The following ESRRG variants were observed in gnomAD, a reference collection of about 807,000 sequenced individuals.
The protein encoded by ESRRG is estrogen-related receptor gamma.
ESRRG carries 13 observed loss-of-function variants against 44.0 expected under a neutral mutation model. The ratio of observed to expected loss-of-function variants is 0.30; its 90% CI spans 0.19 to 0.47. The LOEUF (loss-of-function observed/expected upper bound fraction) is 0.47. ESRRG is among the 20% of genes least tolerant of loss of function. The pLI, the probability that ESRRG is intolerant of heterozygous loss-of-function variation, is 1.00. For missense variants in ESRRG, 395 were observed against 580.6 expected (o/e 0.68, Z 3.29); for synonymous variants, 215 against 214.6 (o/e 1.00, Z -0.02).
intron 1 of ESRRG, among the ~76,000 whole-genome samples, chr1:217,085,291 C>T (rs1485046638): frequency 6.6e-6 from 1 of 151,982 alleles, no homozygotes; most frequent in Non-Finnish European, 1.5e-5. Context: ...TGTGTATTGA[C>T]CTTCTATTTC....
At chr1:217,108,659 C>T (rs2092626842) in intron 1 of ESRRG, among the ~76,000 whole-genome samples, 1 of 151,954 alleles carries the variant, frequency 6.6e-6, no homozygotes, top group Admixed American at 6.6e-5. Flanking sequence ...CTCCCTCTCC[C>T]TCTCTCTTGC....
At chr1:216,635,762 GACCTCTGA>G (rs2065172797) in intron 3 of ESRRG, among the ~76,000 whole-genome samples, 1 of 152,074 alleles carries the variant, frequency 6.6e-6, no homozygotes, top group Non-Finnish European at 1.5e-5. Flanking sequence ...CATTATCGGG[GACCTCTGA>G]CCCCAGCGAG....
intron 2 of ESRRG, among the ~76,000 whole-genome samples, chr1:216,906,944 A>G (rs983340165): frequency 1.3e-5 from 2 of 152,194 alleles, no homozygotes; most frequent in African/African-American, 2.4e-5. Context: ...TGTTTTTTGT[A>G]TATATTGATA....
intron 1 of ESRRG, among the ~76,000 whole-genome samples, chr1:216,945,205 A>G (rs1258231171): frequency 6.6e-6 from 1 of 152,106 alleles, no homozygotes; most frequent in Non-Finnish European, 1.5e-5. Context: ...GGGGAGGGAA[A>G]AGTGGGTTTT....
At chr1:216,638,448 A>C (rs1321920271) in intron 3 of ESRRG, among the ~76,000 whole-genome samples, 1 of 152,188 alleles carries the variant, frequency 6.6e-6, no homozygotes, top group African/African-American at 2.4e-5. Flanking sequence ...AAATTAAACA[A>C]AATTAGAGAC....
At chr1:216,671,919 G>A (rs1575089200) in intron 2 of ESRRG, among the ~76,000 whole-genome samples, 1 of 151,824 alleles carries the variant, frequency 6.6e-6, no homozygotes, top group African/African-American at 2.4e-5. Flanking sequence ...GTAATACTTG[G>A]GTATTACTTA....
chr1:216,699,031 G>A (rs1001929809), intron 1 of ESRRG, among the ~76,000 whole-genome samples: 1 of 152,154 alleles, frequency 6.6e-6, no homozygotes, highest in Non-Finnish European at 1.5e-5. Context: ...GAGGCTGAGG[G>A]CTGCGTGCTG....
chr1:216,616,653 T>G (rs1347523359), intron 3 of ESRRG, among the ~76,000 whole-genome samples: 2 of 152,120 alleles, frequency 1.3e-5, no homozygotes, highest in African/African-American at 2.4e-5. Flanking sequence ...TGTAAAGGCC[T>G]TTGCTGATTT....
rs2151488375 is a variant in ESRRG at position 216,676,978 on chromosome 1, A to G, written c.472+98T>C. The G allele has an allele frequency of 6.0e-6, 5 of 833,444 alleles. No individual in the cohort carries two copies. In the South Asian group the frequency reaches 8.6e-5, roughly 14 times the overall value. The allele number at this position is 833,444 out of a possible 1,614,324, so 51.6% of individuals were successfully genotyped here. A position where few individuals can be genotyped will look rare whatever the true frequency, so the allele number is the denominator to read the frequency against. On this transcript the variant is annotated intron_variant, in intron 2 of 6. Coordinates refer to ENST00000408911, the MANE Select transcript of ESRRG (RefSeq NM_001438.4). ...ATTTTCTACTCAAGAGAGAATTAAA[A>G]CTATGATACTTGACTTATGAGAATA... is the stretch of plus-strand genomic sequence containing the variant.
In ESRRG at chr1:216,834,770, CA is replaced by C. The variant is rs1343317310; in HGVS notation, c.-14+104811del. The stretch of plus-strand genomic sequence containing the variant: ...ACAACAGATGCTAGCAATTTGAAAA[CA>C]AAATGTTGTCTAAGAAACAGGGAGA... On this transcript the variant is annotated intron_variant, in intron 2 of 7. Coordinates refer to the ESRRG transcript ENST00000359162. Among the ~76,000 whole-genome samples, 3 of 152,020 alleles carry C rather than the reference CA, an allele frequency of 2.0e-5. No individual in the cohort carries two copies. The East Asian group carries it at 5.8e-4, about 29-fold the overall frequency.
intron 1 of ESRRG, among the ~76,000 whole-genome samples, chr1:217,057,921 A>G (rs1250507852): frequency 6.6e-6 from 1 of 152,210 alleles, no homozygotes; most frequent in Non-Finnish European, 1.5e-5. Context: ...AAGCCAAAAG[A>G]TTGGACACCA....
intron 2 of ESRRG, among the ~76,000 whole-genome samples, chr1:216,930,549 G>A (rs536509672): frequency 1.3e-5 from 2 of 152,270 alleles, no homozygotes; most frequent in East Asian, 3.9e-4. Flanking sequence ...GTCTTTGTCA[G>A]GGTGGATGAG....
intron 2 of ESRRG, among the ~76,000 whole-genome samples, chr1:216,850,048 T>C (rs2095817912): frequency 6.6e-6 from 1 of 152,116 alleles, no homozygotes. Flanking sequence ...TTCTGCAAGA[T>C]AAGATTTATT....
intron 2 of ESRRG, among the ~76,000 whole-genome samples, chr1:216,872,339 T>G (rs145461254): frequency 1.3e-3 from 197 of 152,288 alleles, no homozygotes; most frequent in Middle Eastern, 0.01. Context: ...ATTTTCTTTC[T>G]CCTAGTGTTG....
intron 3 of ESRRG, among the ~76,000 whole-genome samples, chr1:216,610,504 T>C (rs2060502005): frequency 6.6e-6 from 1 of 152,110 alleles, no homozygotes; most frequent in South Asian, 2.1e-4. Flanking sequence ...CGTTAGTGTT[T>C]GAGGGGAAGG....
chr1:216,613,498 C>T (rs1410074331), intron 3 of ESRRG, among the ~76,000 whole-genome samples: 1 of 152,096 alleles, frequency 6.6e-6, no homozygotes, highest in East Asian at 1.9e-4. Flanking sequence ...GGGAAATTGA[C>T]CACAAAATGA....
At chr1:216,939,081 A>G (rs986885726) in intron 2 of ESRRG, among the ~76,000 whole-genome samples, 1 of 152,156 alleles carries the variant, frequency 6.6e-6, no homozygotes, top group Non-Finnish European at 1.5e-5. Context: ...ATGAACTTTT[A>G]GCAAGCTCAC....
chr1:216,675,291 T>C (rs150000889), intron 2 of ESRRG, among the ~76,000 whole-genome samples: 7 of 151,334 alleles, frequency 4.6e-5, no homozygotes, highest in South Asian at 2.1e-4. Flanking sequence ...ACCCAGGAGA[T>C]GTAGGTTGCA....
At chr1:217,087,096 G>A (rs2092126538) in intron 1 of ESRRG, among the ~76,000 whole-genome samples, 2 of 152,194 alleles carry the variant, frequency 1.3e-5, no homozygotes, top group African/African-American at 4.8e-5. Flanking sequence ...TGCATAGCAT[G>A]TCTGTGCAGA....
Sources: gnomAD v4.1 joint callset for allele counts (sites outside exome capture counted in the v4.1 genomes callset) on GRCh38, gnomAD v4.1.1 for gene constraint, MANE v1.5 for transcripts, NCBI Gene and HGNC (gene_info 2026-07-23, HGNC 2026-07-21) for gene names.